Variants in TSPOAP1 observed in about 807,000 individuals in gnomAD.
TSPOAP1 encodes TSPO associated protein 1.
A neutral mutation model predicts 197.0 loss-of-function variants in TSPOAP1; 87 were observed. The ratio of observed to expected loss-of-function variants is 0.44; its 90% CI spans 0.37 to 0.53. The LOEUF (loss-of-function observed/expected upper bound fraction) is 0.53, where lower values mean the gene tolerates loss of function less well. TSPOAP1 is among the 20% of genes least tolerant of loss of function. The pLI is 0.00. For missense variants in TSPOAP1, 2,174 were observed against 2,411.3 expected, an observed-to-expected ratio of 0.90 and a Z score of 2.06; for synonymous variants, 913 against 998.9, an observed-to-expected ratio of 0.91 and a Z score of 1.62.
chr17:58,304,328 C>T lies in TSPOAP1; in HGVS notation c.*32+10G>A, dbSNP rs1201298167. 1.9e-6 allele frequency: 3 copies of T among 1,611,566 alleles called. No individual in the cohort carries two copies. Among genetic ancestry groups the T allele is most frequent in the East Asian group, 4.5e-5 (2 of 44,820 alleles). On this transcript the variant is annotated intron_variant, in intron 31 of 31. Coordinates refer to ENST00000343736, the MANE Select transcript of TSPOAP1 (RefSeq NM_004758.4). The surrounding 1 kb of genome is among the most constrained non-coding windows in gnomAD (Gnocchi z 4.2). ...TGGACGGTCACACAGGGGGGCAGTC[C>T]CCCACTTACATGTTGCTCTCTCTAC... is the stretch of plus-strand genomic sequence containing the variant.
At chr17:58,323,809 G>A (rs1971475533) in intron 5 of TSPOAP1, among the ~76,000 whole-genome samples, 1 of 152,210 alleles carries the variant, frequency 6.6e-6, no homozygotes, top group South Asian at 2.1e-4. Context: ...CTGGGAGATG[G>A]GTCCTTTATC....
chr17:58,302,923 C>T (rs1007622503), intron 31 of TSPOAP1: 6 of 153,074 alleles, frequency 3.9e-5, no homozygotes, highest in Admixed American at 6.5e-5. Context: ...TCTCCCCAAA[C>T]CCAGCAGATG....
intron 24 of TSPOAP1, 26 bp from the exon 25 acceptor site, chr17:58,306,994 C>A (rs766945629): frequency 1.2e-6 from 2 of 1,605,948 alleles, no homozygotes; most frequent in Admixed American, 3.3e-5. Context: ...GTGGTCTCAG[C>A]CAGTTCTGCT....
rs909748756 is a variant in TSPOAP1, at chr17:58,312,428, A to G, written c.2393T>C (p.Val798Ala). Residue 798 changes from valine to alanine, a missense_variant, in exon 17 of 32, where the codon GTG becomes GCG. By Grantham distance (64) the Val-to-Ala change is moderately conservative. Transcript: ENST00000343736. ...GCTGTGGGCCAGCTGCTTGAGGACC[A>G]CCAGACGGCGGGGGTAAGGCACGGC... is the stretch of plus-strand genomic sequence containing the variant. ...PPAVPYPRRL[V>A]VLKQLAHSVV... 7 of 1,613,052 alleles carry G rather than the reference A, an allele frequency of 4.3e-6. No individual in the cohort carries two copies. Among genetic ancestry groups the G allele is most frequent in the Non-Finnish European group, 4.2e-6 (5 of 1,179,788 alleles).
chr17:58,309,346 T>A lies in TSPOAP1; in HGVS notation c.3926A>T (p.Asp1309Val). The stretch of plus-strand genomic sequence containing the variant: ...CAGGATCTGCTCCAAGATCTCCTCA[T>A]CGCTGTCAGTCTCACAAAAGGGGTC... The part of the protein sequence containing the change: ...QPDPFCETDS[D>V]EEILEQILEL... The change falls in exon 22 of 32, where the codon GAT becomes GTT. Residue 1309 changes from aspartate to valine, a missense_variant. This residue lies in a region of TSPOAP1 where 1,933 missense variants were observed against 2,139.0 expected (regional missense o/e 0.90). Transcript: ENST00000343736. This position sits in a 1 kb window ranked among gnomAD's most constrained non-coding sequence, Gnocchi z 5.0. 4 of 1,612,862 alleles carry A rather than the reference T, an allele frequency of 2.5e-6. No homozygotes were observed. The highest frequency in any genetic ancestry group is 1.1e-5 in the South Asian group (1 of 91,064).
Position 58,323,479 on chromosome 17 carries a change from C to A in TSPOAP1, c.1009G>T (p.Val337Leu), listed in dbSNP as rs749212300. 3.7e-6 allele frequency: 6 copies of A among 1,614,230 alleles called. No individual in the cohort carries two copies. Among genetic ancestry groups the A allele is most frequent in the Non-Finnish European group, 5.1e-6 (6 of 1,180,012 alleles). ...ILGEPEKEQR[V>L]QQLESELSKK... ...GACCTAGGACTTACCAGCTGCTGCA[C>A]CCTCTGCTCTTTCTCTGGCTCCCCT... The change falls in exon 6 of 32, where the codon GTG becomes TTG. Residue 337 changes from valine (V) to leucine (L), a missense_variant. By Grantham distance (32) the Val-to-Leu change is conservative. Coordinates refer to ENST00000343736, the MANE Select transcript of TSPOAP1 (RefSeq NM_004758.4).
In TSPOAP1 at chr17:58,304,880, C is replaced by T; in HGVS notation, c.5544+181G>A. The T allele has an allele frequency of 2.9e-6, 2 of 699,168 alleles. No individual in the cohort carries two copies. Among genetic ancestry groups the T allele is most frequent in the East Asian group, 2.7e-5 (1 of 37,110 alleles). The allele number at this position is 699,168 out of a possible 1,614,324, so 43.3% of individuals were successfully genotyped here. A position where few individuals can be genotyped will look rare whatever the true frequency, so the allele number is the denominator to read the frequency against. ...ATCCCTCTGCAGAGAGGGGCACATA[C>T]TGGGGGGCAGCTGCTTGGTGGGGCT... On this transcript the variant is annotated intron_variant, in intron 30 of 31. Coordinates refer to ENST00000343736, the MANE Select transcript of TSPOAP1 (RefSeq NM_004758.4). The surrounding 1 kb of genome is among the most constrained non-coding windows in gnomAD (Gnocchi z 4.2).
At chr17:58,306,519 C>A (rs968587447) in intron 25 of TSPOAP1, 106 bp from the exon 26 acceptor site, 1 of 1,134,288 alleles carries the variant, frequency 8.8e-7, no homozygotes, top group Non-Finnish European at 1.3e-6. Context: ...GAGCTTGTTT[C>A]GTAAGGGCAT....
intron 14 of TSPOAP1, among the ~76,000 whole-genome samples, chr17:58,317,365 A>G (rs1971270999): frequency 6.6e-6 from 1 of 152,178 alleles, no homozygotes; most frequent in East Asian, 1.9e-4. Flanking sequence ...TGGAACTCAG[A>G]ACTTCCCGTC....
chr17:58,306,378 T>C lies in TSPOAP1; in HGVS notation c.5188A>G (p.Thr1730Ala), dbSNP rs201775210. The C allele has an allele frequency of 3.0e-4, 462 of 1,554,910 alleles. 3 individuals are homozygous for C. Among genetic ancestry groups the C allele is most frequent in the Admixed American group, 2.7e-3 (139 of 51,506 alleles). Residue 1730 changes from threonine to alanine, a missense_variant, in exon 26 of 32, where the codon ACT (threonine) becomes GCT (alanine). Transcript: ENST00000343736. The part of the protein sequence containing the change: ...GPFVYSTAHT[T>A]GPPPKPRRSK... ...CGGCGGGGCTTGGGAGGAGGCCCAGTTGTGTGGGCTGTGGAGTACACAAAC... is the reference window on the plus strand; with the variant it reads ...CGGCGGGGCTTGGGAGGAGGCCCAGCTGTGTGGGCTGTGGAGTACACAAAC...
Position 58,326,082 on chromosome 17 carries a change from C to T in TSPOAP1, c.570+211G>A, listed in dbSNP as rs974312397. Among the ~76,000 whole-genome samples the T allele has an allele frequency of 6.6e-6, 1 of 152,184 alleles. No individual in the cohort carries two copies. Among genetic ancestry groups the T allele is most frequent in the African/African-American group, 2.4e-5 (1 of 41,440 alleles). ...CTGCCTGCTCAGGAACCTCCCCATCCAGCTCTTCTCTGCCCCCTGCAGCTC... is the reference window on the plus strand; with the variant it reads ...CTGCCTGCTCAGGAACCTCCCCATCTAGCTCTTCTCTGCCCCCTGCAGCTC... On this transcript the variant is annotated intron_variant, in intron 3 of 31. Coordinates refer to ENST00000343736, the MANE Select transcript of TSPOAP1 (RefSeq NM_004758.4). This position sits in a 1 kb window ranked among gnomAD's most constrained non-coding sequence, Gnocchi z 4.7.
In TSPOAP1 at chr17:58,307,937, G is replaced by C; in HGVS notation, c.4736C>G (p.Thr1579Arg). 1 of 1,610,698 alleles carries C rather than the reference G, an allele frequency of 6.2e-7. No homozygotes were observed. Among genetic ancestry groups the C allele is most frequent in the Non-Finnish European group, 8.5e-7 (1 of 1,178,786 alleles). Reference sequence around the variant, plus strand: ...CTGCCCTCTGGCCTCTCCGGTCTCTGTTGCCTGCAAAAAGAGGGCAACAGA... The same window carrying C: ...CTGCCCTCTGGCCTCTCCGGTCTCTCTTGCCTGCAAAAAGAGGGCAACAGA... ...GRAKEPLSRA[T>R]ETGEARGQDG... Residue 1579 changes from threonine to arginine, a missense_variant, in exon 23 of 32, where the codon ACA becomes AGA. This residue lies in a region of TSPOAP1 where 1,933 missense variants were observed against 2,139.0 expected (regional missense o/e 0.90). Coordinates refer to ENST00000343736, the MANE Select transcript of TSPOAP1 (RefSeq NM_004758.4).
In TSPOAP1 at chr17:58,308,763, C is replaced by T. The variant is rs149237604; in HGVS notation, c.4509G>A (p.Ser1503=). The T allele has an allele frequency of 1.7e-5, 28 of 1,612,940 alleles. No homozygotes were observed. The highest frequency in any genetic ancestry group is 1.6e-4 in the East Asian group (7 of 44,888). ...KCLEISIEYD[S]EDEQEAGSGG... is the part of the protein sequence containing the mutation. ...CGCTGCCCGCCTCCTGCTCATCCTCCGAATCATATTCAATGCTGATTTCCA... is the reference window on the plus strand; with the variant it reads ...CGCTGCCCGCCTCCTGCTCATCCTCTGAATCATATTCAATGCTGATTTCCA... Residue 1503 remains serine, a synonymous_variant, in exon 22 of 32, where the codon TCG becomes TCA. Coordinates refer to ENST00000343736, the MANE Select transcript of TSPOAP1 (RefSeq NM_004758.4).
Position 58,324,955 on chromosome 17 carries a change from G to A in TSPOAP1, c.798C>T (p.Arg266=). Residue 266 remains arginine, a synonymous_variant, in exon 5 of 32, where the codon CGC becomes CGT. Transcript: ENST00000343736. The surrounding 1 kb of genome is among the most constrained non-coding windows in gnomAD (Gnocchi z 5.8). The stretch of plus-strand genomic sequence containing the variant: ...GCCGCAGCACCTCCCGCTGGGACTC[G>A]CGCAGCAGCCGATCGAAGTCCCGCA... ...LHVRDFDRLL[R]ESQREVLRLQ... 1 of 1,539,926 alleles carries A rather than the reference G, an allele frequency of 6.5e-7. No individual in the cohort carries two copies. The highest frequency in any genetic ancestry group is 2.4e-5 in the East Asian group (1 of 40,818).
Position 58,325,600 on chromosome 17 carries a change from G to A in TSPOAP1, c.684C>T (p.Asp228=), listed in dbSNP as rs777440786. The change falls in exon 4 of 32, where the codon GAC becomes GAT. Residue 228 remains aspartate, a synonymous_variant. Transcript: ENST00000343736. ...CCCGCTGCAAGGCAGCAATCTGCTT[G>A]TCCTTGGCCAGCAGTGCACTGGCTG... ...SETASALLAK[D]KQIAALQREC... The A allele has an allele frequency of 1.9e-6, 3 of 1,613,638 alleles. No homozygotes were observed. The Admixed American group carries it at 5.0e-5, about 27-fold the overall frequency.
At chr17:58,325,097 G>T (rs1971536698) in intron 4 of TSPOAP1, 95 bp from the exon 5 acceptor site, 2 of 1,132,454 alleles carry the variant, frequency 1.8e-6, no homozygotes, top group Non-Finnish European at 2.4e-6. Flanking sequence ...TGCTGGAGGG[G>T]CTCCGATGCG....
At position 58,318,378 on chromosome 17, in the gene TSPOAP1, C is replaced by G. The variant is rs1417701755; in HGVS notation, c.1774G>C (p.Gly592Arg). The stretch of plus-strand genomic sequence containing the variant: ...TTCTTGGCTGTCCTTCGAGGGACCC[C>G]AGTGAGAGTGGCAGGGGCAGGCTCG... ...SSEPAPATLT[G>R]VPRRTAKKAE... is the part of the protein sequence containing the mutation. Residue 592 changes from glycine (G) to arginine (R), a missense_variant, in exon 14 of 32, where the codon GGG becomes CGG. Physicochemically the swap from Gly to Arg is moderately radical, Grantham distance 125. Coordinates refer to ENST00000343736, the MANE Select transcript of TSPOAP1 (RefSeq NM_004758.4). 2 of 1,614,120 alleles carry G rather than the reference C, an allele frequency of 1.2e-6. No individual in the cohort carries two copies. The highest frequency in any genetic ancestry group is 3.3e-5 in the Admixed American group (2 of 60,018).
rs140987482 is a variant in TSPOAP1 at position 58,306,870 on chromosome 17, G to A, written c.5082C>T (p.Asp1694=). 8.2e-5 allele frequency: 133 copies of A among 1,613,530 alleles called. 5 individuals carry two copies. In the Admixed American group the frequency reaches 2.0e-3, roughly 24 times the overall value. ...GCAGTTGCTGTCTCCCAGCAGGGCT[G>A]TCCACAGCCACCTCAGCCACCATGT... ...PCNMVAEVAV[D]SPAGRQQLLQ... Residue 1694 remains aspartate, a synonymous_variant, in exon 25 of 32, where the codon GAC becomes GAT. Coordinates refer to ENST00000343736, the MANE Select transcript of TSPOAP1 (RefSeq NM_004758.4).
At chr17:58,323,715 C>T (rs1971472245) in intron 5 of TSPOAP1, among the ~76,000 whole-genome samples, 170 bp from the exon 6 acceptor site, 2 of 152,240 alleles carry the variant, frequency 1.3e-5, no homozygotes. Flanking sequence ...CTCCCATTGT[C>T]TCCAGCTGAT....
Sources: gnomAD v4.1 joint callset for allele counts (sites outside exome capture counted in the v4.1 genomes callset) on GRCh38, gnomAD v4.1.1 for gene constraint, gnomAD v4.1.1 regional missense constraint, Gnocchi (gnomAD v3.1) non-coding constraint, MANE v1.5 for transcripts, NCBI Gene and HGNC (gene_info 2026-07-23, HGNC 2026-07-21) for gene names.